STXBP5: variants seen among roughly 807,000 people sequenced by gnomAD.
The protein encoded by STXBP5 is syntaxin binding protein 5, also known as syntaxin-binding protein 5.
A neutral mutation model predicts 152.4 loss-of-function variants in STXBP5; 50 were observed. The observed-to-expected ratio is 0.33, with a 90% CI of 0.26 to 0.42. The LOEUF is 0.42. Among genes scored for constraint, STXBP5 ranks in the 10% least tolerant of loss-of-function variants. The probability of loss-of-function intolerance (pLI) is 1.00; values close to 1 mark genes in which losing one functional copy is unlikely to be tolerated. For missense variants in STXBP5, 1,167 were observed against 1,388.6 expected, an observed-to-expected ratio of 0.84 and a Z score of 2.54; for synonymous variants, 492 against 494.7, an observed-to-expected ratio of 0.99 and a Z score of 0.07.
Position 147,341,929 on chromosome 6 carries a change from G to GTTTTACTGTTACTGT in STXBP5, c.2254+2548_2254+2549insTACTGTTACTGTTTT, listed in dbSNP as rs1362124652. On this transcript the variant is annotated intron_variant, in intron 21 of 27. Coordinates refer to ENST00000321680, the MANE Select transcript of STXBP5 (RefSeq NM_001127715.4). Reference sequence around the variant, plus strand: ...TAATCCCAGCGGGTTAGTTACTACTGTTTCCCTGTTTTACAGATAAGGAAA... The same window carrying GTTTTACTGTTACTGT: ...TAATCCCAGCGGGTTAGTTACTACTGTTTTACTGTTACTGTTTTCCCTGTTTTACAGATAAGGAAA... 2.8e-4 allele frequency among the ~76,000 whole-genome samples: 43 copies of GTTTTACTGTTACTGT among 152,200 alleles called. No homozygotes were observed. The East Asian group carries it at 8.3e-3, about 29-fold the overall frequency.
intron 9 of STXBP5, among the ~76,000 whole-genome samples, chr6:147,294,649 G>A (rs1354330816): frequency 6.6e-6 from 1 of 152,088 alleles, no homozygotes; most frequent in African/African-American, 2.4e-5. Context: ...GAGAAAGGCT[G>A]TGATTTAAAA....
chr6:147,251,788 C>T (rs1779108960), intron 4 of STXBP5, among the ~76,000 whole-genome samples: 1 of 152,210 alleles, frequency 6.6e-6, no homozygotes, highest in Non-Finnish European at 1.5e-5. Context: ...CCCATGTATC[C>T]TTACTGGGAG....
At chr6:147,208,573 T>C (rs1372501335) in intron 2 of STXBP5, among the ~76,000 whole-genome samples, 5 of 152,172 alleles carry the variant, frequency 3.3e-5, no homozygotes, top group Non-Finnish European at 7.4e-5. Context: ...TCTTCTTGTA[T>C]TAGACTCTTG....
intron 21 of STXBP5, among the ~76,000 whole-genome samples, chr6:147,342,220 T>C (rs1463336132): frequency 6.6e-6 from 1 of 152,188 alleles, no homozygotes; most frequent in Admixed American, 6.5e-5. Flanking sequence ...GGATGCCATC[T>C]TGGTACCCAT....
chr6:147,239,025 TTGAA>T lies in STXBP5; in HGVS notation c.331-141_331-138del, dbSNP rs1778409864. 5 of 648,676 alleles carry T rather than the reference TTGAA, an allele frequency of 7.7e-6. No individual in the cohort carries two copies. The Middle Eastern group carries it at 1.2e-3, about 156-fold the overall frequency. 40.2% of individuals were successfully genotyped at this position (648,676 alleles called of 1,614,324 possible). On this transcript the variant is annotated intron_variant, in intron 3 of 27. Transcript: ENST00000321680. ...ACTTTTTACATCTGCTGTTTTGAAT[TTGAA>T]TGAGGCAAATGTTTCTTAGATCTAA...
chr6:147,316,494 C>CT, intron 16 of STXBP5, 87 bp downstream of exon 16: 1 of 1,196,590 alleles, frequency 8.4e-7, no homozygotes, highest in Non-Finnish European at 1.1e-6. Flanking sequence ...GTAACATTTT[C>CT]TTTTGATATA....
intron 7 of STXBP5, among the ~76,000 whole-genome samples, chr6:147,272,037 T>C (rs910313126): frequency 6.6e-6 from 1 of 152,148 alleles, no homozygotes; most frequent in African/African-American, 2.4e-5. Flanking sequence ...CCTTGAAAGA[T>C]CCCAAATTTC....
At chr6:147,358,993 A>G (rs1784937076) in intron 22 of STXBP5, 91 bp from the exon 23 acceptor site, 3 of 1,438,254 alleles carry the variant, frequency 2.1e-6, no homozygotes, top group Non-Finnish European at 1.9e-6. Flanking sequence ...CTTCTTGCAG[A>G]TTAACTATTT....
intron 26 of STXBP5, among the ~76,000 whole-genome samples, chr6:147,375,394 A>G (rs1359024718): frequency 6.6e-6 from 1 of 152,166 alleles, no homozygotes; most frequent in Non-Finnish European, 1.5e-5. Flanking sequence ...CTCAAAAACT[A>G]GAATTAAAAA....
intron 4 of STXBP5, among the ~76,000 whole-genome samples, chr6:147,258,537 C>T (rs911613683): frequency 3.3e-5 from 5 of 152,046 alleles, no homozygotes; most frequent in Admixed American, 3.3e-4. Context: ...AGGTTCACGC[C>T]ATTCTCGTGC....
chr6:147,282,855 G>C (rs1416079425), intron 8 of STXBP5, among the ~76,000 whole-genome samples: 1 of 152,126 alleles, frequency 6.6e-6, no homozygotes, highest in East Asian at 1.9e-4. Context: ...AGCTTTACCA[G>C]AATCAGATGG....
In STXBP5 at chr6:147,324,947, C is replaced by G. The variant is rs114481675; in HGVS notation, c.1803-12C>G. ...AAATGGTTTAAAGATACCATGTTTT[C>G]TTTTATTTTAGAGTTAAAAACTCAC... On this transcript the variant is annotated splice_polypyrimidine_tract_variant and intron_variant, in intron 16 of 27. Coordinates refer to ENST00000321680, the MANE Select transcript of STXBP5 (RefSeq NM_001127715.4). 2,139 of 1,499,758 alleles carry G rather than the reference C, an allele frequency of 1.4e-3. 40 individuals are homozygous for G. The African/African-American group carries it at 0.027, about 19-fold the overall frequency. The allele number at this position is 1,499,758 out of a possible 1,614,324, so 92.9% of individuals were successfully genotyped here. A position where few individuals can be genotyped will look rare whatever the true frequency, so the allele number is the denominator to read the frequency against.
At chr6:147,317,672 A>G (rs1369081100) in intron 16 of STXBP5, among the ~76,000 whole-genome samples, 6 of 152,192 alleles carry the variant, frequency 3.9e-5, no homozygotes, top group African/African-American at 1.4e-4. Flanking sequence ...TCAGAAAGGT[A>G]TCAAGTTTTT....
intron 18 of STXBP5, among the ~76,000 whole-genome samples, chr6:147,331,640 G>A (rs1783573955): frequency 6.6e-6 from 1 of 152,088 alleles, no homozygotes; most frequent in Non-Finnish European, 1.5e-5. Context: ...CCACAACTTC[G>A]TATGTGCCAG....
chr6:147,345,598 A>G (rs1784290693), intron 21 of STXBP5, among the ~76,000 whole-genome samples: 1 of 152,104 alleles, frequency 6.6e-6, no homozygotes, highest in South Asian at 2.1e-4. Flanking sequence ...ACAAAAATCA[A>G]CTTGCTTTTA....
intron 2 of STXBP5, among the ~76,000 whole-genome samples, chr6:147,228,559 T>G (rs1007471861): frequency 2.0e-5 from 3 of 152,114 alleles, no homozygotes; most frequent in African/African-American, 7.2e-5. Flanking sequence ...TATTATTTCT[T>G]TGATACTTTC....
intron 2 of STXBP5, among the ~76,000 whole-genome samples, chr6:147,230,644 G>T (rs1777953002): frequency 6.6e-6 from 1 of 151,298 alleles, no homozygotes; most frequent in South Asian, 2.1e-4. Context: ...GTGAAAATTG[G>T]CTCAATATAT....
chr6:147,337,585 ATATGT>A (rs1433683907), intron 19 of STXBP5, among the ~76,000 whole-genome samples: 4 of 152,054 alleles, frequency 2.6e-5, no homozygotes, highest in African/African-American at 9.6e-5. Flanking sequence ...TTATGTATAG[ATATGT>A]TATCCTGCTA....
chr6:147,311,437 T>A lies in STXBP5; in HGVS notation c.1073-18T>A, dbSNP rs896026587. 3.1e-6 allele frequency: 5 copies of A among 1,605,278 alleles called. No homozygotes were observed. The African/African-American group carries it at 5.4e-5, about 17-fold the overall frequency. On this transcript the variant is annotated intron_variant, in intron 10 of 27. Transcript: ENST00000321680. Reference sequence around the variant, plus strand: ...CTTGCATTTTTGAAACTATAATTCATGCATTGTCCAATTCCAGATTTTCAA... The same window carrying A: ...CTTGCATTTTTGAAACTATAATTCAAGCATTGTCCAATTCCAGATTTTCAA...
Sources: allele counts gnomAD v4.1 joint callset (sites outside exome capture counted in the v4.1 genomes callset), GRCh38; gene constraint gnomAD v4.1.1; transcripts MANE v1.5; gene names NCBI Gene and HGNC (gene_info 2026-07-23, HGNC 2026-07-21).